The following EEF1AKMT1 variants were observed in gnomAD, a reference collection of about 807,000 sequenced individuals.
EEF1AKMT1 encodes the protein EEF1A lysine methyltransferase 1.
A neutral mutation model predicts 21.0 loss-of-function variants in EEF1AKMT1; 18 were observed. The observed-to-expected ratio is 0.86, with a 90% CI of 0.59 to 1.27. The LOEUF (loss-of-function observed/expected upper bound fraction) is 1.27, where lower values mean the gene tolerates loss of function less well. EEF1AKMT1 is among the 50% of genes most tolerant of loss of function. EEF1AKMT1 has a pLI of 0.00. For synonymous variants in EEF1AKMT1, 109 were observed against 94.8 expected, an observed-to-expected ratio of 1.15 and a Z score of -0.87; for missense variants, 246 against 258.6, an observed-to-expected ratio of 0.95 and a Z score of 0.33.
chr13:20,754,723 C>T (rs1174157534), intron 2 of EEF1AKMT1, among the ~76,000 whole-genome samples: 1 of 139,332 alleles, frequency 7.2e-6, no homozygotes, highest in Non-Finnish European at 1.5e-5. Context: ...TGGTAAAACC[C>T]TGTCTCTACC....
At chr13:20,756,800 C>T (rs2058974197) in intron 2 of EEF1AKMT1, among the ~76,000 whole-genome samples, 1 of 152,206 alleles carries the variant, frequency 6.6e-6, no homozygotes, top group African/African-American at 2.4e-5. Flanking sequence ...TTTTTCTACA[C>T]TGTTGTGCCC....
chr13:20,765,385 CTTTCTGTTTCTTCCCTTGGGTTT>C (rs2059023478), intron 1 of EEF1AKMT1, among the ~76,000 whole-genome samples: 1 of 117,286 alleles, frequency 8.5e-6, no homozygotes, highest in Non-Finnish European at 1.8e-5. Context: ...TCATTATTTG[CTTTCTGTTTCTTCCCTTGGGTTT>C]TTTTTTTTTT....
chr13:20,759,272 T>C (rs957292550), intron 1 of EEF1AKMT1, among the ~76,000 whole-genome samples: 1 of 152,196 alleles, frequency 6.6e-6, no homozygotes, highest in African/African-American at 2.4e-5. Flanking sequence ...AGGAGTAATA[T>C]GCAGAATCTA....
At position 20,737,933 on chromosome 13, in the gene EEF1AKMT1, G is replaced by C. The variant is rs549065843; in HGVS notation, c.145-128C>G. ...AATTTATATATAATCTATACCAGTG[G>C]ACAGATATTTTTAAAAAGTTTTTCT... is the stretch of plus-strand genomic sequence containing the variant. On this transcript the variant is annotated intron_variant, in intron 2 of 4. Transcript: ENST00000382758. The C allele has an allele frequency of 7.1e-5, 35 of 492,210 alleles. No homozygotes were observed. The South Asian group carries it at 2.1e-3, about 30-fold the overall frequency. 30.5% of individuals were successfully genotyped at this position (492,210 alleles called of 1,614,324 possible).
chr13:20,744,239 A>G (rs1489958566), intron 2 of EEF1AKMT1, among the ~76,000 whole-genome samples: 2 of 152,212 alleles, frequency 1.3e-5, no homozygotes, highest in African/African-American at 2.4e-5. Flanking sequence ...TTCTCGTTCT[A>G]GAGCCTTGAG....
chr13:20,735,326 G>GC (rs55752414), intron 3 of EEF1AKMT1, among the ~76,000 whole-genome samples: 125,472 of 152,036 alleles, frequency 0.83, 52,051 homozygotes, highest in East Asian at 1. Flanking sequence ...CCCAAAGCCT[G>GC]CCCCCCACCA....
At chr13:20,730,141 A>G (rs757537157) in intron 4 of EEF1AKMT1, among the ~76,000 whole-genome samples, 10 of 152,150 alleles carry the variant, frequency 6.6e-5, no homozygotes, top group Admixed American at 1.3e-4. Context: ...CCTTTAGTCT[A>G]TTTTATTATT....
At chr13:20,769,354 A>T (rs990620428) in intron 1 of EEF1AKMT1, 1 of 152,226 alleles carries the variant, frequency 6.6e-6, no homozygotes, top group African/African-American at 2.4e-5. Flanking sequence ...TCTGATAAGA[A>T]AGCCAAAGAT....
At chr13:20,735,684 T>C (rs2058822576) in intron 3 of EEF1AKMT1, among the ~76,000 whole-genome samples, 1 of 152,190 alleles carries the variant, frequency 6.6e-6, no homozygotes, top group African/African-American at 2.4e-5. Flanking sequence ...CACCCTTCAA[T>C]GTCCACAGAC....
chr13:20,734,867 C>A (rs2058817809), intron 3 of EEF1AKMT1, among the ~76,000 whole-genome samples: 1 of 151,944 alleles, frequency 6.6e-6, no homozygotes, highest in African/African-American at 2.4e-5. Flanking sequence ...CCTACTAAAC[C>A]ACTACATATA....
At chr13:20,772,200 C>T (rs987111689) in intron 1 of EEF1AKMT1, among the ~76,000 whole-genome samples, 1 of 151,996 alleles carries the variant, frequency 6.6e-6, no homozygotes, top group African/African-American at 2.4e-5. Context: ...GGCACACTGT[C>T]TATGGCTGGC....
chr13:20,762,411 A>C (rs1400678750), intron 1 of EEF1AKMT1, among the ~76,000 whole-genome samples: 1 of 150,758 alleles, frequency 6.6e-6, no homozygotes, highest in Non-Finnish European at 1.5e-5. Flanking sequence ...CTAGTTTCGA[A>C]CTCCTAACCT....
intron 3 of EEF1AKMT1, 33 bp from the exon 4 acceptor site, chr13:20,732,154 C>A: frequency 6.4e-7 from 1 of 1,573,598 alleles, no homozygotes; most frequent in Non-Finnish European, 8.6e-7. Context: ...CATGAAACAT[C>A]CTTAACAGAG....
intron 2 of EEF1AKMT1, among the ~76,000 whole-genome samples, chr13:20,742,815 C>T (rs1250012376): frequency 6.6e-6 from 1 of 152,190 alleles, no homozygotes; most frequent in East Asian, 1.9e-4. Context: ...ACTCTGTTTG[C>T]CTACAGGTGT....
At chr13:20,737,688 C>T (rs370181923) in intron 3 of EEF1AKMT1, 35 bp downstream of exon 3, 830 of 1,548,552 alleles carry the variant, frequency 5.4e-4, no homozygotes, top group South Asian at 7.1e-4. Context: ...CAAAATATTA[C>T]ATTAGATGCC....
intron 2 of EEF1AKMT1, among the ~76,000 whole-genome samples, chr13:20,738,904 T>G (rs1387137068): frequency 1.3e-5 from 2 of 149,438 alleles, no homozygotes; most frequent in Non-Finnish European, 2.9e-5. Flanking sequence ...TTGACTGTGG[T>G]GATAGTTGTG....
rs757623006 is a variant in EEF1AKMT1, at chr13:20,728,983, G to T, written c.*97C>A. 7.4e-6 allele frequency: 11 copies of T among 1,485,220 alleles called. No homozygotes were observed. Among genetic ancestry groups the T allele is most frequent in the Non-Finnish European group, 7.4e-6 (8 of 1,075,138 alleles). 92.0% of individuals were successfully genotyped at this position (1,485,220 alleles called of 1,614,324 possible). The stretch of plus-strand genomic sequence containing the variant: ...CCAGGCCAGGGACAGCTCCAGTTTG[G>T]GGGGAGGGGAAGAGATTATAACTTT... On this transcript the variant is annotated 3_prime_UTR_variant, in exon 5 of 5. Coordinates refer to ENST00000382758, the MANE Select transcript of EEF1AKMT1 (RefSeq NM_001318939.2).
intron 2 of EEF1AKMT1, among the ~76,000 whole-genome samples, chr13:20,752,771 G>A (rs2058949520): frequency 6.6e-6 from 1 of 151,856 alleles, no homozygotes; most frequent in South Asian, 2.1e-4. Flanking sequence ...AAGTCATCTG[G>A]TCCTGGACTT....
chr13:20,758,403 C>A (rs1566536780), intron 1 of EEF1AKMT1, among the ~76,000 whole-genome samples: 1 of 152,144 alleles, frequency 6.6e-6, no homozygotes, highest in South Asian at 2.1e-4. Flanking sequence ...TGGACCAAAC[C>A]AATATATGCC....
Sources: allele counts gnomAD v4.1 joint callset (sites outside exome capture counted in the v4.1 genomes callset), GRCh38; gene constraint gnomAD v4.1.1; transcripts MANE v1.5; gene names NCBI Gene and HGNC (gene_info 2026-07-23, HGNC 2026-07-21).